The following ULK4 variants were observed in gnomAD, a reference collection of about 807,000 sequenced individuals.
ULK4 encodes unc-51 like kinase 4.
In ULK4, 133 loss-of-function variants were observed where a neutral mutation model predicts 160.6. That is an observed-to-expected ratio of 0.83 (90% CI 0.72 to 0.96). The LOEUF (loss-of-function observed/expected upper bound fraction) is 0.96. Among genes scored for constraint, ULK4 ranks in the 40% least tolerant of loss-of-function variants. The pLI is 0.00. For synonymous variants in ULK4, 534 were observed against 539.8 expected, an observed-to-expected ratio of 0.99 and a Z score of 0.15; for missense variants, 1,580 against 1,499.5, an observed-to-expected ratio of 1.05 and a Z score of -0.89.
chr3:41,249,948 A>G (rs183433502), intron 35 of ULK4, among the ~76,000 whole-genome samples: 44 of 152,326 alleles, frequency 2.9e-4, no homozygotes, highest in Admixed American at 7.8e-4. Flanking sequence ...CTGGCTAGCA[A>G]CTGGAAATCT....
intron 31 of ULK4, among the ~76,000 whole-genome samples, chr3:41,603,011 C>G (rs1295726166): frequency 2.0e-5 from 3 of 151,806 alleles, no homozygotes; most frequent in Non-Finnish European, 1.5e-5. Context: ...TATAAAAGGT[C>G]TAAATATACA....
At chr3:41,834,288 TAA>T (rs2041688938) in intron 18 of ULK4, among the ~76,000 whole-genome samples, 1 of 151,956 alleles carries the variant, frequency 6.6e-6, no homozygotes, top group African/African-American at 2.4e-5. Context: ...TTTTATATAT[TAA>T]TATATGTAAA....
At position 41,365,128 on chromosome 3, in the gene ULK4, T is replaced by C. The variant is rs575307882; in HGVS notation, c.3678+32951A>G. 5.2e-4 allele frequency among the ~76,000 whole-genome samples: 79 copies of C among 152,352 alleles called. 1 individual carries two copies. Among genetic ancestry groups the C allele is most frequent in the Admixed American group, 1.8e-3 (28 of 15,298 alleles). On this transcript the variant is annotated intron_variant, in intron 35 of 36. Coordinates refer to ENST00000301831, the MANE Select transcript of ULK4 (RefSeq NM_017886.4). ...AGCATTTTTACTACACTCAGGATTC[T>C]GAATCCAGAAGTTCTGTTTGCCAGA...
At chr3:41,879,177 C>T (rs1697419463) in intron 17 of ULK4, among the ~76,000 whole-genome samples, 1 of 151,874 alleles carries the variant, frequency 6.6e-6, no homozygotes. Flanking sequence ...TGTATGAAAC[C>T]ACCAAGAAAA....
At chr3:41,267,018 TG>T (rs757611081) in intron 35 of ULK4, among the ~76,000 whole-genome samples, 1,739 of 67,334 alleles carry the variant, frequency 0.026, 28 homozygotes, top group African/African-American at 0.083. Flanking sequence ...GTGTCTCTAT[TG>T]GGGGGGGGGG....
chr3:41,472,506 T>C (rs2084018794), intron 32 of ULK4, among the ~76,000 whole-genome samples: 1 of 151,190 alleles, frequency 6.6e-6, no homozygotes, highest in South Asian at 2.1e-4. Flanking sequence ...GAGGTGGAGG[T>C]TGCGGTGAGC....
intron 6 of ULK4, among the ~76,000 whole-genome samples, chr3:41,919,457 C>T (rs1013407104): frequency 1.3e-5 from 2 of 152,028 alleles, no homozygotes; most frequent in Non-Finnish European, 2.9e-5. Context: ...GAAAAAACTG[C>T]CAGGCATGGT....
In ULK4 at chr3:41,634,186, G is replaced by C. The variant is rs566263791; in HGVS notation, c.3072-18469C>G. ...TGCCTAATTTTCTGACCCATTACCA[G>C]GGATCCTTCACATGGGGAACTTGCT... On this transcript the variant is annotated intron_variant, in intron 30 of 36. Transcript: ENST00000301831. Among the ~76,000 whole-genome samples the C allele has an allele frequency of 2.0e-5, 3 of 152,278 alleles. No individual in the cohort carries two copies. The East Asian group carries it at 5.8e-4, about 29-fold the overall frequency.
At chr3:41,725,526 T>C (rs553546910) in intron 22 of ULK4, among the ~76,000 whole-genome samples, 10 of 152,318 alleles carry the variant, frequency 6.6e-5, no homozygotes, top group South Asian at 2.1e-4. Flanking sequence ...CTTTCAATTA[T>C]TGTATTTTTC....
At chr3:41,699,198 T>C (rs911804531) in intron 27 of ULK4, among the ~76,000 whole-genome samples, 1 of 152,208 alleles carries the variant, frequency 6.6e-6, no homozygotes. Context: ...TGTACCAATG[T>C]ACACTCTCAC....
intron 32 of ULK4, among the ~76,000 whole-genome samples, chr3:41,490,508 C>T (rs566596282): frequency 6.6e-6 from 1 of 152,274 alleles, no homozygotes; most frequent in Admixed American, 6.5e-5. Flanking sequence ...ACACATTCCT[C>T]CACTCACTAC....
intron 30 of ULK4, among the ~76,000 whole-genome samples, chr3:41,619,930 C>T (rs1211010446): frequency 1.3e-5 from 2 of 152,010 alleles, no homozygotes; most frequent in Admixed American, 1.3e-4. Flanking sequence ...ATACAAGGGA[C>T]ATCACCACTG....
intron 35 of ULK4, among the ~76,000 whole-genome samples, chr3:41,357,213 T>C (rs989476341): frequency 6.6e-6 from 1 of 152,208 alleles, no homozygotes; most frequent in Non-Finnish European, 1.5e-5. Flanking sequence ...TCTCCAGCTT[T>C]TGATAAAGAA....
chr3:41,600,593 T>C (rs1408852429), intron 31 of ULK4, among the ~76,000 whole-genome samples: 3 of 152,224 alleles, frequency 2.0e-5, no homozygotes, highest in Non-Finnish European at 4.4e-5. Context: ...TTCTGCAAAT[T>C]GCAACACTTC....
chr3:41,816,221 C>A (rs748522165), intron 19 of ULK4, among the ~76,000 whole-genome samples: 1 of 152,080 alleles, frequency 6.6e-6, no homozygotes, highest in Non-Finnish European at 1.5e-5. Context: ...TGCACATGCA[C>A]ATGAATACAC....
chr3:41,621,237 C>A (rs2033232202), intron 30 of ULK4, among the ~76,000 whole-genome samples: 1 of 152,134 alleles, frequency 6.6e-6, no homozygotes, highest in Non-Finnish European at 1.5e-5. Context: ...CTACCATTGA[C>A]TTTCTTCATG....
chr3:41,453,176 T>C (rs568736767), intron 34 of ULK4, among the ~76,000 whole-genome samples: 1 of 152,282 alleles, frequency 6.6e-6, no homozygotes, highest in African/African-American at 2.4e-5. Flanking sequence ...TTTTTGTTTT[T>C]TGTTTTTTTG....
At chr3:41,635,791 C>T (rs535422687) in intron 30 of ULK4, among the ~76,000 whole-genome samples, 5 of 152,114 alleles carry the variant, frequency 3.3e-5, no homozygotes, top group South Asian at 2.1e-4. Context: ...GAGATTAGAA[C>T]GGATATCTAC....
intron 34 of ULK4, among the ~76,000 whole-genome samples, chr3:41,447,799 A>G (rs936132306): frequency 1.3e-5 from 2 of 152,062 alleles, no homozygotes; most frequent in Non-Finnish European, 2.9e-5. Context: ...TCAATCAAAG[A>G]TAGGGTTTGG....
Sources: gnomAD v4.1 joint callset for allele counts (sites outside exome capture counted in the v4.1 genomes callset) on GRCh38, gnomAD v4.1.1 for gene constraint, MANE v1.5 for transcripts, NCBI Gene and HGNC (gene_info 2026-07-23, HGNC 2026-07-21) for gene names.